NCF2: variants seen among roughly 807,000 people sequenced by gnomAD.
NCF2 encodes neutrophil cytosolic factor 2.
In NCF2, 45 loss-of-function variants were observed where a neutral mutation model predicts 70.9. The observed-to-expected ratio is 0.63, with a 90% CI of 0.50 to 0.81. The LOEUF is 0.81. Among genes scored for constraint, NCF2 ranks in the 40% least tolerant of loss-of-function variants. The probability of loss-of-function intolerance (pLI) is 0.00; values close to 1 mark genes in which losing one functional copy is unlikely to be tolerated. For synonymous variants in NCF2, 203 were observed against 233.6 expected, an observed-to-expected ratio of 0.87 and a Z score of 1.19; for missense variants, 522 against 631.6, an observed-to-expected ratio of 0.83 and a Z score of 1.86.
chr1:183,564,174 G>T, intron 10 of NCF2, 144 bp from the exon 11 acceptor site: 1 of 835,924 alleles, frequency 1.2e-6, no homozygotes, highest in South Asian at 1.4e-5. Flanking sequence ...ATTAACCTTA[G>T]TAAACTGTGG....
intron 3 of NCF2, among the ~76,000 whole-genome samples, chr1:183,576,119 A>T (rs893561000): frequency 1.2e-4 from 19 of 152,302 alleles, no homozygotes; most frequent in Admixed American, 1.2e-3. Flanking sequence ...AAAAATAATG[A>T]TGTGATTCTC....
intron 2 of NCF2, among the ~76,000 whole-genome samples, chr1:183,581,705 G>T (rs1673090968): frequency 6.6e-6 from 1 of 150,990 alleles, no homozygotes; most frequent in South Asian, 2.1e-4. Flanking sequence ...GTCTCGCTCT[G>T]TTGCCCTGGC....
chr1:183,570,637 C>A, intron 6 of NCF2, 143 bp downstream of exon 6: 3 of 806,066 alleles, frequency 3.7e-6, no homozygotes, highest in Non-Finnish European at 6.3e-6. Context: ...TGAGAGAGGG[C>A]AGGCAGATCC....
rs2102912657 is a variant in NCF2 at position 183,577,716 on chromosome 1, C to G, written c.258-9G>C. On this transcript the variant is annotated splice_polypyrimidine_tract_variant and intron_variant, in intron 2 of 14. Transcript: ENST00000367535. Reference sequence around the variant, plus strand: ...TGATAGCCAAATCATATCTGCAGGACAGAGGGAGAAAATACAGCAGTCTAG... The same window carrying G: ...TGATAGCCAAATCATATCTGCAGGAGAGAGGGAGAAAATACAGCAGTCTAG... 1 of 1,583,884 alleles carries G rather than the reference C, an allele frequency of 6.3e-7. No individual in the cohort carries two copies.
chr1:183,576,152 C>T (rs906226817), intron 3 of NCF2, among the ~76,000 whole-genome samples: 2 of 152,268 alleles, frequency 1.3e-5, no homozygotes, highest in East Asian at 1.9e-4. Flanking sequence ...CATACCACAT[C>T]AGGAAGAGAA....
rs549165359 is a variant in NCF2 at position 183,560,379 on chromosome 1, C to T, written c.1291-106G>A. On this transcript the variant is annotated intron_variant, in intron 13 of 14. Transcript: ENST00000367535. The stretch of plus-strand genomic sequence containing the variant: ...GTCAAAGTAGAACCTGGGATATAAA[C>T]TCATAAAGTTTGTGATCAGTGCCTT... 9 of 1,303,600 alleles carry T rather than the reference C, an allele frequency of 6.9e-6. No individual in the cohort carries two copies. The Admixed American group carries it at 1.5e-4, about 22-fold the overall frequency. 80.8% of individuals were successfully genotyped at this position (1,303,600 alleles called of 1,614,324 possible).
chr1:183,577,569 C>T, intron 3 of NCF2, 30 bp downstream of exon 3: 1 of 1,527,714 alleles, frequency 6.5e-7, no homozygotes, highest in Non-Finnish European at 9.1e-7. Flanking sequence ...ATGATCCCCT[C>T]CTGCCCAGGC....
At chr1:183,573,322 A>T in intron 4 of NCF2, 30 bp from the exon 5 acceptor site, 2 of 1,589,822 alleles carry the variant, frequency 1.3e-6, no homozygotes, top group South Asian at 2.2e-5. Context: ...GCATTCCCTT[A>T]TGTGAAAATG....
chr1:183,573,520 G>C (rs1228440157), intron 4 of NCF2, among the ~76,000 whole-genome samples: 1 of 152,092 alleles, frequency 6.6e-6, no homozygotes, highest in East Asian at 1.9e-4. Context: ...TTGCTATTCA[G>C]CACCCTCTTT....
At chr1:183,567,617 C>T in intron 7 of NCF2, 1 of 523,786 alleles carries the variant, frequency 1.9e-6, no homozygotes, top group Non-Finnish European at 3.5e-6. Flanking sequence ...TCCTTGCCCT[C>T]CCTTCTGCTC....
At chr1:183,592,245 A>G (rs1673686710), upstream of NCF2, among the ~76,000 whole-genome samples, 1 of 152,224 alleles carries the variant, frequency 6.6e-6, no homozygotes, top group Non-Finnish European at 1.5e-5. Flanking sequence ...TGTGAGAATT[A>G]AGAAGACATG....
intron 14 of NCF2, among the ~76,000 whole-genome samples, chr1:183,556,977 G>A (rs752959739): frequency 6.6e-5 from 10 of 152,190 alleles, no homozygotes; most frequent in Non-Finnish European, 1.0e-4. Flanking sequence ...CCATTAAACA[G>A]GTGAGCTGGA....
At chr1:183,575,050 C>T (rs1672735446) in intron 3 of NCF2, among the ~76,000 whole-genome samples, 1 of 152,208 alleles carries the variant, frequency 6.6e-6, no homozygotes, top group African/African-American at 2.4e-5. Context: ...TCTTCCAGTC[C>T]ACCTCCTGCC....
intron 3 of NCF2, among the ~76,000 whole-genome samples, chr1:183,575,120 C>A (rs1672738874): frequency 6.6e-6 from 1 of 152,182 alleles, no homozygotes; most frequent in Non-Finnish European, 1.5e-5. Flanking sequence ...CAAGATGCAA[C>A]CTCCTGTACC....
chr1:183,567,552 A>G, intron 7 of NCF2: 1 of 721,872 alleles, frequency 1.4e-6, no homozygotes, highest in Non-Finnish European at 2.5e-6. Context: ...CCATATATGC[A>G]GAGGGGCAAG....
Position 183,565,842 on chromosome 1 carries a change from T to C in NCF2, c.925-63A>G, listed in dbSNP as rs1244955652. ...CAAAGTTCCCAGGCAGGGGTGGATG[T>C]GGGGAAACACCCCTACAGAGACCCC... On this transcript the variant is annotated intron_variant, in intron 9 of 14. Transcript: ENST00000367535. 9.3e-6 allele frequency: 14 copies of C among 1,511,836 alleles called. No individual in the cohort carries two copies. In the East Asian group the frequency reaches 2.9e-4, roughly 32 times the overall value. 93.7% of individuals were successfully genotyped at this position (1,511,836 alleles called of 1,614,324 possible).
Position 183,563,925 on chromosome 1 carries a change from C to A in NCF2, c.1026+80G>T, listed in dbSNP as rs368088445. On this transcript the variant is annotated intron_variant, in intron 11 of 14. Transcript: ENST00000367535. ...CTCCCTTTGGGGCTCTTCCTATAAT[C>A]CAGACAGACATGTCTGTGGTTGATA... The A allele has an allele frequency of 1.8e-5, 26 of 1,467,020 alleles. No homozygotes were observed. The African/African-American group carries it at 2.0e-4, about 11-fold the overall frequency. The allele number at this position is 1,467,020 out of a possible 1,614,324, so 90.9% of individuals were successfully genotyped here.
At chr1:183,566,010 C>G (rs550016991) in intron 9 of NCF2, among the ~76,000 whole-genome samples, 2 of 152,334 alleles carry the variant, frequency 1.3e-5, no homozygotes, top group Admixed American at 1.3e-4. Flanking sequence ...AGAATCCTAA[C>G]CCGCTAAAAC....
At chr1:183,569,510 C>T (rs1018731730) in intron 6 of NCF2, among the ~76,000 whole-genome samples, 1 of 152,182 alleles carries the variant, frequency 6.6e-6, no homozygotes, top group African/African-American at 2.4e-5. Flanking sequence ...GTCCTTTTCC[C>T]AGGACAGTTT....
Sources: allele counts gnomAD v4.1 joint callset (sites outside exome capture counted in the v4.1 genomes callset), GRCh38; gene constraint gnomAD v4.1.1; transcripts MANE v1.5; gene names NCBI Gene and HGNC (gene_info 2026-07-23, HGNC 2026-07-21).